Variants in EMID1 observed in about 807,000 individuals in gnomAD.
EMID1 encodes EMI domain containing 1.
Under a neutral mutation model 60.6 loss-of-function variants are expected in EMID1, and 40 were observed. That is an observed-to-expected ratio of 0.66 (90% CI 0.51 to 0.86). The LOEUF (loss-of-function observed/expected upper bound fraction) is 0.86, where lower values mean the gene tolerates loss of function less well. Among genes scored for constraint, EMID1 ranks in the 40% least tolerant of loss-of-function variants. The pLI is 0.00. For synonymous variants in EMID1, 242 were observed against 231.0 expected (o/e 1.05, Z -0.43); for missense variants, 585 against 597.1 (o/e 0.98, Z 0.21).
intron 13 of EMID1, among the ~76,000 whole-genome samples, chr22:29,253,466 C>A (rs138158267): frequency 0.035 from 5,247 of 150,402 alleles, 311 homozygotes; most frequent in African/African-American, 0.12. Flanking sequence ...CCTGTAATCC[C>A]AGCTACTTGG....
intron 1 of EMID1, among the ~76,000 whole-genome samples, chr22:29,212,817 G>A (rs1227231748): frequency 1.3e-5 from 2 of 152,116 alleles, no homozygotes; most frequent in Non-Finnish European, 2.9e-5. Flanking sequence ...CACCCATCTC[G>A]GCCTGCCAAA....
intron 13 of EMID1, among the ~76,000 whole-genome samples, chr22:29,251,653 A>G (rs924339087): frequency 6.6e-6 from 1 of 152,026 alleles, no homozygotes; most frequent in Non-Finnish European, 1.5e-5. Context: ...GTGTGCCACC[A>G]CACCCAAATA....
At chr22:29,247,947 A>AC (rs1211411763) in intron 13 of EMID1, among the ~76,000 whole-genome samples, 2 of 132,508 alleles carry the variant, frequency 1.5e-5, no homozygotes, top group African/African-American at 5.8e-5. Flanking sequence ...TTTTTTTTTT[A>AC]CTTTTTTTTT....
rs1413084854 is a variant in EMID1 at position 29,226,512 on chromosome 22, G to A, written c.426G>A (p.Val142=). ...AFSGCLNCSK[V]SELTERLKVL... ...CAGGTTGTCTCAACTGCAGCAAAGT[G>A]TCAGAGCTGACAGAGCGGCTGAAGG... is the stretch of plus-strand genomic sequence containing the variant. Residue 142 remains valine (V), a synonymous_variant, in exon 5 of 15, where the codon GTG becomes GTA. Transcript: ENST00000334018. 12 of 1,611,970 alleles carry A rather than the reference G, an allele frequency of 7.4e-6. No homozygotes were observed. In the South Asian group the frequency reaches 1.2e-4, roughly 16 times the overall value.
At chr22:29,224,613 G>A (rs1360759158) in intron 3 of EMID1, among the ~76,000 whole-genome samples, 4 of 152,258 alleles carry the variant, frequency 2.6e-5, no homozygotes, top group Admixed American at 2.0e-4. Context: ...CAGGCAGCAA[G>A]AGTGTGGATG....
chr22:29,231,250 G>T, intron 6 of EMID1, 110 bp downstream of exon 6: 1 of 1,437,278 alleles, frequency 7.0e-7, no homozygotes, highest in Non-Finnish European at 9.3e-7. Flanking sequence ...ACCCTCTAGT[G>T]GGCCTCAGTC....
intron 1 of EMID1, among the ~76,000 whole-genome samples, chr22:29,211,024 C>T (rs1215412658): frequency 1.3e-5 from 2 of 152,038 alleles, no homozygotes; most frequent in Non-Finnish European, 1.5e-5. Flanking sequence ...ACTGTGGGGC[C>T]GTGTGTGGAC....
chr22:29,232,079 G>A (rs1435004820), intron 7 of EMID1, 177 bp from the exon 8 acceptor site: 1 of 656,374 alleles, frequency 1.5e-6, no homozygotes, highest in Non-Finnish European at 2.6e-6. Context: ...GCCTGGACGA[G>A]GTGGAGAACT....
chr22:29,251,027 C>T (rs1011857639), intron 13 of EMID1, among the ~76,000 whole-genome samples: 1 of 152,014 alleles, frequency 6.6e-6, no homozygotes, highest in Non-Finnish European at 1.5e-5. Context: ...AAGCCACCCT[C>T]CCACCTCAGC....
intron 12 of EMID1, among the ~76,000 whole-genome samples, chr22:29,242,254 T>A (rs371308518): frequency 4.6e-5 from 7 of 152,342 alleles, no homozygotes; most frequent in East Asian, 1.9e-4. Context: ...ATTCCATTGA[T>A]CTATGTTCAA....
In EMID1 at chr22:29,233,484, G is replaced by A. The variant is rs745665721; in HGVS notation, c.913+16G>A. The A allele has an allele frequency of 5.0e-6, 8 of 1,613,434 alleles. No homozygotes were observed. Among genetic ancestry groups the A allele is most frequent in the Middle Eastern group, 1.6e-4 (1 of 6,062 alleles). ...GGGCCCATGGGTAAGTTGAGTCCAGGCCAGGGGTAAAGGGTGAAGTTGGTA... is the reference window on the plus strand; with the variant it reads ...GGGCCCATGGGTAAGTTGAGTCCAGACCAGGGGTAAAGGGTGAAGTTGGTA... On this transcript the variant is annotated intron_variant, in intron 9 of 14. Transcript: ENST00000334018.
At chr22:29,240,894 T>C (rs1470120001) in intron 12 of EMID1, among the ~76,000 whole-genome samples, 2 of 152,208 alleles carry the variant, frequency 1.3e-5, no homozygotes, top group East Asian at 1.9e-4. Flanking sequence ...CATGACCTGG[T>C]GTTGGGTCCG....
chr22:29,220,173 G>A (rs1418330492), intron 3 of EMID1, among the ~76,000 whole-genome samples: 1 of 152,114 alleles, frequency 6.6e-6, no homozygotes, highest in Non-Finnish European at 1.5e-5. Context: ...CCCATACACG[G>A]CCTTGGCAGT....
intron 13 of EMID1, among the ~76,000 whole-genome samples, chr22:29,252,713 G>A (rs953738151): frequency 3.3e-5 from 5 of 152,178 alleles, no homozygotes; most frequent in Non-Finnish European, 7.3e-5. Context: ...CCTTGGAGGA[G>A]GGGCTTTGTG....
At chr22:29,241,845 T>C (rs2146365643) in intron 12 of EMID1, among the ~76,000 whole-genome samples, 1 of 152,346 alleles carries the variant, frequency 6.6e-6, no homozygotes, top group East Asian at 1.9e-4. Flanking sequence ...CCATTGATTT[T>C]CTCCCATGAG....
chr22:29,234,235 G>T, intron 11 of EMID1, 36 bp downstream of exon 11: 1 of 1,609,394 alleles, frequency 6.2e-7, no homozygotes. Flanking sequence ...GGGGAATTCT[G>T]GGGAGTCCTG....
At chr22:29,228,504 A>G (rs1251312404) in intron 5 of EMID1, among the ~76,000 whole-genome samples, 2 of 152,220 alleles carry the variant, frequency 1.3e-5, no homozygotes, top group Admixed American at 6.5e-5. Flanking sequence ...CAGATTTTCT[A>G]AACACACAGA....
At chr22:29,230,467 G>A (rs546866401) in intron 5 of EMID1, among the ~76,000 whole-genome samples, 3 of 152,344 alleles carry the variant, frequency 2.0e-5, no homozygotes, top group South Asian at 2.1e-4. Context: ...CAAGCACCGC[G>A]ACAGTCACAA....
chr22:29,236,719 A>G (rs557422440), intron 12 of EMID1, among the ~76,000 whole-genome samples: 1 of 152,292 alleles, frequency 6.6e-6, no homozygotes, highest in East Asian at 1.9e-4. Flanking sequence ...GTAAAATAAA[A>G]AATAACTAAA....
Sources: allele counts gnomAD v4.1 joint callset (sites outside exome capture counted in the v4.1 genomes callset), GRCh38; gene constraint gnomAD v4.1.1; transcripts MANE v1.5; gene names NCBI Gene and HGNC (gene_info 2026-07-23, HGNC 2026-07-21).